Variants in TAF1B observed in about 807,000 individuals in gnomAD.
TAF1B encodes TATA box-binding protein-associated factor RNA polymerase I subunit B.
Under a neutral mutation model 83.9 loss-of-function variants are expected in TAF1B, and 61 were observed. That is an observed-to-expected ratio of 0.73 (90% CI 0.59 to 0.90). The LOEUF is 0.90. Ranked by LOEUF, TAF1B falls within the 40% of genes least tolerant of loss-of-function variation. TAF1B has a pLI of 0.00. For missense variants in TAF1B, 625 were observed against 677.0 expected (o/e 0.92, Z 0.85); for synonymous variants, 221 against 224.6 (o/e 0.98, Z 0.14).
At chr2:9,884,507 C>T (rs950852903) in intron 8 of TAF1B, among the ~76,000 whole-genome samples, 10 of 152,294 alleles carry the variant, frequency 6.6e-5, no homozygotes, top group East Asian at 1.9e-4. Flanking sequence ...CTTTATTGAG[C>T]GACAGAACAG....
intron 7 of TAF1B, among the ~76,000 whole-genome samples, chr2:9,879,653 A>G (rs1312024236): frequency 6.6e-6 from 1 of 152,114 alleles, no homozygotes; most frequent in Non-Finnish European, 1.5e-5. Context: ...AGCAGAGGAG[A>G]GTTCGTGTGA....
chr2:9,901,546 AT>A (rs940644401), intron 8 of TAF1B, among the ~76,000 whole-genome samples: 21 of 152,070 alleles, frequency 1.4e-4, no homozygotes, highest in African/African-American at 5.1e-4. Flanking sequence ...CCATTAAATC[AT>A]TTTTTAGATG....
intron 12 of TAF1B, chr2:9,913,634 A>G (rs1163922294): frequency 1.3e-5 from 2 of 156,982 alleles, no homozygotes; most frequent in South Asian, 2.1e-4. Flanking sequence ...AAAGATTACA[A>G]ATGTTACCTT....
chr2:9,861,780 C>T (rs1328248703), intron 5 of TAF1B, among the ~76,000 whole-genome samples: 8 of 152,000 alleles, frequency 5.3e-5, no homozygotes, highest in Admixed American at 3.3e-4. Context: ...GCAGCATTTG[C>T]GGTTCACCAA....
At chr2:9,851,158 G>A (rs1176677138) in intron 3 of TAF1B, among the ~76,000 whole-genome samples, 1 of 152,074 alleles carries the variant, frequency 6.6e-6, no homozygotes, top group Admixed American at 6.6e-5. Context: ...TTAGGATTCT[G>A]CTGGGCATTG....
chr2:9,861,621 G>A (rs1663763474), intron 5 of TAF1B, among the ~76,000 whole-genome samples: 1 of 152,238 alleles, frequency 6.6e-6, no homozygotes, highest in Non-Finnish European at 1.5e-5. Flanking sequence ...CATGCAGCTT[G>A]AGATCTGAGA....
intron 3 of TAF1B, among the ~76,000 whole-genome samples, 186 bp downstream of exon 3, chr2:9,849,646 G>C (rs1558612368): frequency 5.3e-5 from 8 of 152,208 alleles, no homozygotes; most frequent in Admixed American, 5.2e-4. Flanking sequence ...TGCTTTTATA[G>C]AAAAAATGCT....
chr2:9,880,520 C>T (rs546908093), intron 7 of TAF1B, among the ~76,000 whole-genome samples: 2 of 130,106 alleles, frequency 1.5e-5, no homozygotes, highest in Admixed American at 1.9e-4. Flanking sequence ...ACTGTTAGAA[C>T]TCCAGATGCC....
rs763351690 is a variant in TAF1B, at chr2:9,904,893, C to T, written c.842C>T (p.Thr281Ile). The T allele has an allele frequency of 1.9e-6, 3 of 1,611,042 alleles. No homozygotes were observed. Among genetic ancestry groups the T allele is most frequent in the Non-Finnish European group, 2.5e-6 (3 of 1,177,346 alleles). ...GACTACGAGGACATCTACAAAAAAA[C>T]AGTAGAAGTTGGAACATTTTTAGAT... The part of the protein sequence containing the change: ...WPDYEDIYKK[T>I]VEVGTFLDLP... Residue 281 changes from threonine (T) to isoleucine (I), a missense_variant, in exon 9 of 15, where the codon ACA (threonine) becomes ATA (isoleucine). By Grantham distance (89) the Thr-to-Ile change is moderately conservative. Coordinates refer to ENST00000263663, the MANE Select transcript of TAF1B (RefSeq NM_005680.3).
chr2:9,909,894 A>G (rs1558262424), intron 9 of TAF1B, among the ~76,000 whole-genome samples: 1 of 152,204 alleles, frequency 6.6e-6, no homozygotes, highest in Non-Finnish European at 1.5e-5. Flanking sequence ...TCCATAGTCT[A>G]TTCTCAACCA....
At chr2:9,911,109 T>C (rs1665519828) in intron 10 of TAF1B, among the ~76,000 whole-genome samples, 196 bp downstream of exon 10, 1 of 152,228 alleles carries the variant, frequency 6.6e-6, no homozygotes, top group African/African-American at 2.4e-5. Flanking sequence ...TAGTCACAAT[T>C]ATTTCTTACA....
chr2:9,853,053 T>TG (rs959959369), intron 4 of TAF1B, among the ~76,000 whole-genome samples: 42 of 152,132 alleles, frequency 2.8e-4, no homozygotes, highest in South Asian at 4.1e-4. Context: ...TAGCTGATAG[T>TG]GGGGGGGTTG....
chr2:9,899,807 T>C (rs1481353159), intron 8 of TAF1B, among the ~76,000 whole-genome samples: 3 of 152,238 alleles, frequency 2.0e-5, no homozygotes, highest in Non-Finnish European at 4.4e-5. Context: ...TTGTCTTGTT[T>C]AATGTGCATA....
intron 14 of TAF1B, 34 bp from the exon 15 acceptor site, chr2:9,933,749 T>C: frequency 1.9e-6 from 3 of 1,557,064 alleles, no homozygotes; most frequent in Non-Finnish European, 2.6e-6. Context: ...GGTTACCATC[T>C]AAAGATAAAT....
chr2:9,859,372 A>G (rs1326416258), intron 5 of TAF1B, among the ~76,000 whole-genome samples: 1 of 149,530 alleles, frequency 6.7e-6, no homozygotes, highest in Non-Finnish European at 1.5e-5. Flanking sequence ...TTCATTGTCC[A>G]TATCACTATC....
At chr2:9,846,278 G>A (rs900664139) in intron 2 of TAF1B, 4 of 365,524 alleles carry the variant, frequency 1.1e-5, no homozygotes, top group Non-Finnish European at 1.6e-5. Flanking sequence ...CTTGGTAAAC[G>A]AGGCTACCTT....
intron 8 of TAF1B, among the ~76,000 whole-genome samples, chr2:9,902,560 T>C (rs1665213216): frequency 1.3e-5 from 2 of 152,244 alleles, no homozygotes; most frequent in Admixed American, 1.3e-4. Flanking sequence ...ATTGATTCAT[T>C]GTTACATGTA....
intron 9 of TAF1B, 97 bp from the exon 10 acceptor site, chr2:9,910,639 T>C (rs1235060590): frequency 9.6e-7 from 1 of 1,044,250 alleles, no homozygotes; most frequent in Non-Finnish European, 1.3e-6. Context: ...AGTTCTTGCA[T>C]AGTGTCGTGT....
chr2:9,901,157 GCAAGA>G (rs1665167412), intron 8 of TAF1B, among the ~76,000 whole-genome samples: 1 of 152,010 alleles, frequency 6.6e-6, no homozygotes, highest in South Asian at 2.1e-4. Flanking sequence ...TAACAATGAG[GCAAGA>G]CTGGTTAAAA....
Sources: allele counts gnomAD v4.1 joint callset (sites outside exome capture counted in the v4.1 genomes callset), GRCh38; gene constraint gnomAD v4.1.1; transcripts MANE v1.5; gene names NCBI Gene and HGNC (gene_info 2026-07-23, HGNC 2026-07-21).